CLEC16A: variants seen among roughly 807,000 people sequenced by gnomAD.
CLEC16A encodes protein CLEC16A.
CLEC16A carries 51 observed loss-of-function variants against 109.5 expected under a neutral mutation model. That is an observed-to-expected ratio of 0.47 (90% CI 0.37 to 0.59). The LOEUF (loss-of-function observed/expected upper bound fraction) is 0.59, where lower values mean the gene tolerates loss of function less well. CLEC16A is among the 20% of genes least tolerant of loss of function. CLEC16A has a pLI of 0.00. For missense variants in CLEC16A, 1,339 were observed against 1,394.0 expected, an observed-to-expected ratio of 0.96 and a Z score of 0.63; for synonymous variants, 673 against 564.2, an observed-to-expected ratio of 1.19 and a Z score of -2.73.
chr16:11,138,714 T>C (rs2153062480), intron 22 of CLEC16A, among the ~76,000 whole-genome samples: 1 of 152,356 alleles, frequency 6.6e-6, no homozygotes, highest in African/African-American at 2.4e-5. Flanking sequence ...AAATGACCAC[T>C]GTTTTCACTC....
chr16:11,060,666 A>T (rs2048432446), intron 18 of CLEC16A, among the ~76,000 whole-genome samples: 1 of 152,094 alleles, frequency 6.6e-6, no homozygotes, highest in Non-Finnish European at 1.5e-5. Context: ...AGTTCAGGTA[A>T]AGTAACCCAA....
chr16:11,113,205 G>C (rs921374495), intron 19 of CLEC16A, among the ~76,000 whole-genome samples: 6 of 152,226 alleles, frequency 3.9e-5, no homozygotes, highest in African/African-American at 1.4e-4. Flanking sequence ...TGCATGATCA[G>C]GCAGAGCCCG....
chr16:11,078,530 T>C (rs922508436), intron 19 of CLEC16A, among the ~76,000 whole-genome samples: 2 of 152,132 alleles, frequency 1.3e-5, no homozygotes, highest in African/African-American at 2.4e-5. Flanking sequence ...TCTCTCTAAG[T>C]TCCAAAGTCA....
chr16:10,995,252 T>A (rs2044258822), intron 10 of CLEC16A, among the ~76,000 whole-genome samples: 1 of 152,354 alleles, frequency 6.6e-6, no homozygotes, highest in South Asian at 2.1e-4. Context: ...TTGATGGCTG[T>A]GGCAACTGAG....
chr16:11,119,317 T>C (rs2052231222), intron 19 of CLEC16A, among the ~76,000 whole-genome samples: 1 of 152,218 alleles, frequency 6.6e-6, no homozygotes. Flanking sequence ...TGTCTATTTT[T>C]ATACCAGTAC....
intron 22 of CLEC16A, among the ~76,000 whole-genome samples, chr16:11,145,132 G>A (rs1334525693): frequency 6.6e-6 from 1 of 152,156 alleles, no homozygotes; most frequent in Non-Finnish European, 1.5e-5. Context: ...CGTGGGAATG[G>A]CCCCTGCTCC....
chr16:11,033,005 A>C (rs905805135), intron 13 of CLEC16A, among the ~76,000 whole-genome samples: 2 of 152,152 alleles, frequency 1.3e-5, no homozygotes, highest in Non-Finnish European at 2.9e-5. Context: ...GATGAGTTGC[A>C]GGAGGGAACA....
chr16:11,172,733 AC>A (rs1315515160), intron 23 of CLEC16A, among the ~76,000 whole-genome samples: 2 of 152,116 alleles, frequency 1.3e-5, no homozygotes, highest in Non-Finnish European at 2.9e-5. Flanking sequence ...TACTAAAAAT[AC>A]AAAAATTAGC....
At chr16:10,960,639 G>A (rs977135386) in intron 2 of CLEC16A, among the ~76,000 whole-genome samples, 6 of 151,988 alleles carry the variant, frequency 3.9e-5, no homozygotes, top group Non-Finnish European at 5.9e-5. Context: ...TCTACCCCAC[G>A]TTTTCATGAT....
intron 13 of CLEC16A, among the ~76,000 whole-genome samples, chr16:11,038,921 C>G (rs1445072829): frequency 6.6e-6 from 1 of 152,184 alleles, no homozygotes; most frequent in Non-Finnish European, 1.5e-5. Context: ...ACCTGGCTCA[C>G]AACTTGATTC....
At position 11,029,670 on chromosome 16, in the gene CLEC16A, C is replaced by T. The variant is rs536219886; in HGVS notation, c.1537+4749C>T. On this transcript the variant is annotated intron_variant, in intron 13 of 23. Coordinates refer to ENST00000409790, the MANE Select transcript of CLEC16A (RefSeq NM_015226.3). ...TATATTGTCTTGCTTTCTAAGTTGC[C>T]TGAATTAGTAGGATAAATTCAGTCC... is the stretch of plus-strand genomic sequence containing the variant. Among the ~76,000 whole-genome samples, 4 of 152,272 alleles carry T rather than the reference C, an allele frequency of 2.6e-5. No individual in the cohort carries two copies. In the East Asian group the frequency reaches 5.8e-4, roughly 22 times the overall value.
At chr16:11,070,175 A>G (rs1025788713) in intron 19 of CLEC16A, among the ~76,000 whole-genome samples, 6 of 151,232 alleles carry the variant, frequency 4.0e-5, no homozygotes, top group Admixed American at 1.3e-4. Context: ...GGTTCACACC[A>G]TTCTCCTGCC....
At chr16:11,099,875 G>C (rs1483211918) in intron 19 of CLEC16A, among the ~76,000 whole-genome samples, 4 of 152,162 alleles carry the variant, frequency 2.6e-5, no homozygotes, top group Admixed American at 2.6e-4. Context: ...GGAAAGTAGA[G>C]GCCCAGAGCC....
intron 22 of CLEC16A, among the ~76,000 whole-genome samples, chr16:11,160,995 G>T (rs996262413): frequency 2.0e-5 from 3 of 152,174 alleles, no homozygotes; most frequent in South Asian, 2.1e-4. Context: ...ACTTGGCCAC[G>T]ACTAGCTTCT....
intron 19 of CLEC16A, among the ~76,000 whole-genome samples, chr16:11,068,221 G>A (rs1393427312): frequency 1.3e-5 from 2 of 152,178 alleles, no homozygotes; most frequent in Non-Finnish European, 2.9e-5. Context: ...ACTTTGCAGG[G>A]TTATTGTAAG....
chr16:11,106,583 T>C (rs985185759), intron 19 of CLEC16A, among the ~76,000 whole-genome samples: 1 of 151,754 alleles, frequency 6.6e-6, no homozygotes, highest in Non-Finnish European at 1.5e-5. Flanking sequence ...ACTCCTGGCC[T>C]CAAGCAATCC....
Position 11,006,298 on chromosome 16 carries a change from A to G in CLEC16A, c.1303+2993A>G, listed in dbSNP as rs531611465. On this transcript the variant is annotated intron_variant, in intron 11 of 23. Coordinates refer to ENST00000409790, the MANE Select transcript of CLEC16A (RefSeq NM_015226.3). ...TGCTACAGTGGCTCCCTCAGTAAAA[A>G]ATGAGATGCGTTTATCAGAAGCAAG... 2.3e-4 allele frequency among the ~76,000 whole-genome samples: 35 copies of G among 152,306 alleles called. No homozygotes were observed. In the South Asian group the frequency reaches 7.1e-3, roughly 31 times the overall value.
At chr16:11,062,896 G>A (rs1239572476) in intron 19 of CLEC16A, among the ~76,000 whole-genome samples, 3 of 151,628 alleles carry the variant, frequency 2.0e-5, no homozygotes, top group Non-Finnish European at 4.4e-5. Flanking sequence ...GCTTTGGGGG[G>A]GTGGGGGAGG....
chr16:10,957,788 G>A lies in CLEC16A; in HGVS notation c.87G>A (p.Leu29=), dbSNP rs755550644. 15 of 1,613,688 alleles carry A rather than the reference G, an allele frequency of 9.3e-6. No individual in the cohort carries two copies. The highest frequency in any genetic ancestry group is 1.2e-5 in the Non-Finnish European group (14 of 1,179,804). Residue 29 remains leucine, a synonymous_variant, in exon 2 of 24, where the codon CTG becomes CTA. Coordinates refer to ENST00000409790, the MANE Select transcript of CLEC16A (RefSeq NM_015226.3). ...NIHSLDHLKY[L]YHVLTKNTTV... ...TTTCTCTCATTTCTCTCAGGTATCT[G>A]TACCACGTTTTGACCAAAAACACCA...
Sources: gnomAD v4.1 joint callset for allele counts (sites outside exome capture counted in the v4.1 genomes callset) on GRCh38, gnomAD v4.1.1 for gene constraint, MANE v1.5 for transcripts, NCBI Gene and HGNC (gene_info 2026-07-23, HGNC 2026-07-21) for gene names.